The following NAT1 variants were observed in gnomAD, a reference collection of about 807,000 sequenced individuals.
The protein encoded by NAT1 is arylamine N-acetyltransferase 1.
For synonymous variants in NAT1, 144 were observed against 122.6 expected (o/e 1.17, Z -1.16); for missense variants, 400 against 339.2 (o/e 1.18, Z -1.41).
chr8:18,199,906 T>G (rs1256369805), intron 2 of NAT1, among the ~76,000 whole-genome samples: 5 of 152,094 alleles, frequency 3.3e-5, no homozygotes, highest in Non-Finnish European at 7.4e-5. Context: ...CCAACAAGTA[T>G]ATGAAAAAAT....
intron 1 of NAT1, chr8:18,216,902 A>T (rs760196826): frequency 1.9e-6 from 3 of 1,550,852 alleles, no homozygotes; most frequent in Non-Finnish European, 2.6e-6. Context: ...CCATGCTGTT[A>T]TTACTCTTAC....
At chr8:18,186,900 A>G in intron 2 of NAT1, among the ~76,000 whole-genome samples, 1 of 152,194 alleles carries the variant, frequency 6.6e-6, no homozygotes, top group East Asian at 1.9e-4. Context: ...GGAGAGCAGA[A>G]GAAACTCGAG....
chr8:18,174,150 T>C (rs1199519276), intron 2 of NAT1, among the ~76,000 whole-genome samples: 1 of 152,138 alleles, frequency 6.6e-6, no homozygotes, highest in African/African-American at 2.4e-5. Flanking sequence ...ATAAAATAAA[T>C]TGCTATCAAT....
intron 2 of NAT1, among the ~76,000 whole-genome samples, chr8:18,173,032 G>A (rs1050234541): frequency 1.3e-5 from 2 of 152,040 alleles, no homozygotes; most frequent in African/African-American, 4.8e-5. Context: ...CTTCAGGGGC[G>A]AGTCTTCCAT....
At chr8:18,191,929 G>A (rs1803008024) in intron 2 of NAT1, among the ~76,000 whole-genome samples, 2 of 152,074 alleles carry the variant, frequency 1.3e-5, no homozygotes, top group Non-Finnish European at 2.9e-5. Flanking sequence ...ATAGGCATGG[G>A]CAAGGACTTC....
intron 1 of NAT1, among the ~76,000 whole-genome samples, chr8:18,215,962 A>G (rs924710632): frequency 6.6e-6 from 1 of 152,186 alleles, no homozygotes; most frequent in Non-Finnish European, 1.5e-5. Flanking sequence ...AAGGACTGCA[A>G]ATTTAAAGGG....
intron 2 of NAT1, among the ~76,000 whole-genome samples, chr8:18,190,780 A>G (rs1022633498): frequency 3.9e-5 from 6 of 152,066 alleles, no homozygotes; most frequent in African/African-American, 1.4e-4. Context: ...ATAGGTAATA[A>G]ACAGGGCCAG....
At chr8:18,206,459 AT>A (rs1308338650), upstream of NAT1, among the ~76,000 whole-genome samples, 14 of 152,160 alleles carry the variant, frequency 9.2e-5, 1 homozygote, top group Non-Finnish European at 2.9e-5. Context: ...GAAAAACTGA[AT>A]GCTATTCCTC....
intron 2 of NAT1, 35 bp from the exon 3 acceptor site, chr8:18,222,007 A>C (rs772973198): frequency 1.3e-6 from 2 of 1,565,420 alleles, no homozygotes; most frequent in Admixed American, 3.8e-5. Context: ...TGTAAAAGTA[A>C]AATGATTTGC....
chr8:18,217,775 T>C (rs149129477), intron 1 of NAT1, among the ~76,000 whole-genome samples: 2 of 152,290 alleles, frequency 1.3e-5, no homozygotes, highest in Admixed American at 6.5e-5. Context: ...TGCCCTCAAG[T>C]CCTGCACAAA....
chr8:18,222,770 T>G lies in NAT1; in HGVS notation c.723T>G (p.His241Gln), dbSNP rs375989454. Residue 241 changes from histidine to glutamine, a missense_variant, in exon 3 of 3, where the codon CAT becomes CAG. Physicochemically the swap from His to Gln is conservative, Grantham distance 24. Coordinates refer to ENST00000307719, the MANE Select transcript of NAT1 (RefSeq NM_000662.8). ...GTTTGGTGGGCTTCACCCTCACCCA[T>G]AGGAGATTCAATTATAAGGACAATA... ...VHCLVGFTLT[H>Q]RRFNYKDNTD... 3 of 1,613,650 alleles carry G rather than the reference T, an allele frequency of 1.9e-6. No homozygotes were observed. The highest frequency in any genetic ancestry group is 2.2e-5 in the East Asian group (1 of 44,878).
chr8:18,196,148 C>G (rs1803223225), intron 2 of NAT1, among the ~76,000 whole-genome samples: 1 of 151,844 alleles, frequency 6.6e-6, no homozygotes, highest in Non-Finnish European at 1.5e-5. Context: ...CAAGGTCTCA[C>G]TATGTTGCCC....
At position 18,222,637 on chromosome 8, in the gene NAT1, G is replaced by C; in HGVS notation, c.590G>C (p.Arg197Pro). Residue 197 changes from arginine to proline, a missense_variant, in exon 3 of 3, where the codon CGA becomes CCA. By Grantham distance (103) the Arg-to-Pro change is moderately radical. Coordinates refer to ENST00000307719, the MANE Select transcript of NAT1 (RefSeq NM_000662.8). Reference protein sequence around the residue: ...RKIYSFTLKPRTIEDFESMNT... With the variant: ...RKIYSFTLKPPTIEDFESMNT... The stretch of plus-strand genomic sequence containing the variant: ...ATCTACTCCTTTACTCTTAAGCCTC[G>C]AACAATTGAAGATTTTGAGTCTATG... 6.2e-7 allele frequency: 1 copy of C among 1,612,988 alleles called. No homozygotes were observed. The highest frequency in any genetic ancestry group is 8.5e-7 in the Non-Finnish European group (1 of 1,179,676).
At chr8:18,173,534 T>A (rs1031560486) in intron 2 of NAT1, among the ~76,000 whole-genome samples, 18 of 152,196 alleles carry the variant, frequency 1.2e-4, no homozygotes, top group African/African-American at 4.3e-4. Context: ...ATAACTGGGA[T>A]GGCAATTGCA....
At chr8:18,209,857 C>T (rs1465805460), upstream of NAT1, 6 of 152,194 alleles carry the variant, frequency 3.9e-5, no homozygotes, top group Non-Finnish European at 5.9e-5. Context: ...TAGTGTCAGG[C>T]TCCCAGAGAG....
intron 2 of NAT1, among the ~76,000 whole-genome samples, chr8:18,198,822 G>C (rs1803342110): frequency 6.6e-6 from 1 of 152,166 alleles, no homozygotes; most frequent in African/African-American, 2.4e-5. Context: ...CTGCCTTTTT[G>C]GTGATGGAAG....
intron 2 of NAT1, among the ~76,000 whole-genome samples, chr8:18,183,007 T>C (rs1157661715): frequency 6.6e-6 from 1 of 152,220 alleles, no homozygotes; most frequent in Non-Finnish European, 1.5e-5. Context: ...AATTAATTTT[T>C]GTCTTAGTCT....
chr8:18,171,367 A>C (rs1292043041), intron 2 of NAT1, among the ~76,000 whole-genome samples: 7 of 127,920 alleles, frequency 5.5e-5, no homozygotes, highest in Non-Finnish European at 8.9e-5. Flanking sequence ...CAAAAGACTA[A>C]ATTAATCCAA....
At chr8:18,203,434 T>C (rs1803562920) in intron 2 of NAT1, among the ~76,000 whole-genome samples, 1 of 152,240 alleles carries the variant, frequency 6.6e-6, no homozygotes. Context: ...AAGATAAGTT[T>C]AGGCTATCTC....
Sources: allele counts gnomAD v4.1 joint callset (sites outside exome capture counted in the v4.1 genomes callset), GRCh38; gene constraint gnomAD v4.1.1; transcripts MANE v1.5; gene names NCBI Gene and HGNC (gene_info 2026-07-23, HGNC 2026-07-21).